The following PCDH11X variants were observed in gnomAD, a reference collection of about 807,000 sequenced individuals.
The protein encoded by PCDH11X is protocadherin-11 X-linked.
In PCDH11X, 18 loss-of-function variants were observed where a neutral mutation model predicts 53.3. The observed-to-expected ratio is 0.34, with a 90% CI of 0.23 to 0.50. The LOEUF (loss-of-function observed/expected upper bound fraction) is 0.50, where lower values mean the gene tolerates loss of function less well. PCDH11X is among the 20% of genes least tolerant of loss of function. The probability of loss-of-function intolerance (pLI) is 0.98; values close to 1 mark genes in which losing one functional copy is unlikely to be tolerated. For missense variants in PCDH11X, 570 were observed against 1,032.4 expected (o/e 0.55, Z 6.14); for synonymous variants, 279 against 393.3 (o/e 0.71, Z 3.44).
chrX:92,501,442 C>T (rs1251496529), intron 10 of PCDH11X, among the ~76,000 whole-genome samples: 1 of 110,968 alleles, frequency 9.0e-6, no homozygotes, highest in African/African-American at 3.3e-5. Flanking sequence ...ATACTTTAGA[C>T]CAATATCCTT....
Position 92,016,509 on chromosome X carries a change from T to A in PCDH11X, c.3033+137236T>A, listed in dbSNP as rs1196513253. Among the ~76,000 whole-genome samples the A allele has an allele frequency of 3.6e-5, 4 of 111,339 alleles. No homozygotes were observed. In the East Asian group the frequency reaches 1.1e-3, roughly 32 times the overall value. On this transcript the variant is annotated intron_variant, in intron 6 of 10. Coordinates refer to ENST00000682573, the MANE Select transcript of PCDH11X (RefSeq NM_032968.5). ...CTTCCGGATAACTTGCTGCAGCTTC[T>A]TTATAAGCACCTGCTGCACTTTTAT...
At chrX:92,499,539 C>CCA (rs1350806347) in intron 10 of PCDH11X, among the ~76,000 whole-genome samples, 1 of 78,029 alleles carries the variant, frequency 1.3e-5, no homozygotes, top group African/African-American at 4.5e-5. Flanking sequence ...GTGGCTCATG[C>CCA]CTGTAATCTT....
intron 6 of PCDH11X, among the ~76,000 whole-genome samples, chrX:92,119,806 A>G (rs1428204981): frequency 1.8e-5 from 2 of 111,784 alleles, no homozygotes; most frequent in East Asian, 2.8e-4. Flanking sequence ...TGCATTTTCT[A>G]TTTTTATTTT....
intron 10 of PCDH11X, among the ~76,000 whole-genome samples, chrX:92,605,119 A>G (rs745359849): frequency 3.7e-5 from 4 of 108,800 alleles, no homozygotes; most frequent in Admixed American, 3.0e-4. Flanking sequence ...TACATATACT[A>G]TGAAACTGCA....
At chrX:92,356,492 A>C (rs56074517) in intron 8 of PCDH11X, among the ~76,000 whole-genome samples, 14,093 of 69,228 alleles carry the variant, frequency 0.2, 1,948 homozygotes, top group Non-Finnish European at 0.27. Context: ...GTAATAATAA[A>C]ATTAAAAACC....
At chrX:92,076,724 C>T (rs1462150377) in intron 6 of PCDH11X, among the ~76,000 whole-genome samples, 1 of 111,944 alleles carries the variant, frequency 8.9e-6, no homozygotes, top group Non-Finnish European at 1.9e-5. Context: ...TGTTTCCTGA[C>T]AGTTAACACA....
chrX:92,002,271 C>A (rs1237280514), intron 6 of PCDH11X, among the ~76,000 whole-genome samples: 3 of 108,641 alleles, frequency 2.8e-5, no homozygotes, highest in African/African-American at 1.0e-4. Flanking sequence ...TGTCTGTTTT[C>A]ATGCAAGTTC....
chrX:92,400,385 A>G (rs2071363414), intron 9 of PCDH11X, among the ~76,000 whole-genome samples: 1 of 110,424 alleles, frequency 9.1e-6, no homozygotes, highest in Non-Finnish European at 1.9e-5. Flanking sequence ...AAGGTGAACA[A>G]AGGAAGCCAA....
chrX:92,493,318 A>G (rs1365605970), intron 10 of PCDH11X, among the ~76,000 whole-genome samples: 1 of 111,150 alleles, frequency 9.0e-6, no homozygotes, highest in African/African-American at 3.3e-5. Context: ...CATTGTGTCT[A>G]TAGTCAACAA....
At chrX:92,551,183 AC>A in intron 10 of PCDH11X, among the ~76,000 whole-genome samples, 1 of 111,318 alleles carries the variant, frequency 9.0e-6, no homozygotes, top group Non-Finnish European at 1.9e-5. Context: ...GAGTGGTTGT[AC>A]TAATTTACAT....
intron 10 of PCDH11X, among the ~76,000 whole-genome samples, chrX:92,597,683 A>T (rs1304140785): frequency 1.8e-5 from 2 of 111,753 alleles, no homozygotes; most frequent in Non-Finnish European, 3.8e-5. Context: ...AGAATCCTAA[A>T]ATTCATATGG....
At chrX:92,146,410 C>G (rs2065268069) in intron 6 of PCDH11X, among the ~76,000 whole-genome samples, 1 of 110,814 alleles carries the variant, frequency 9.0e-6, no homozygotes, top group Admixed American at 9.7e-5. Flanking sequence ...GTCAAAATGC[C>G]TTCCATGAGG....
intron 9 of PCDH11X, among the ~76,000 whole-genome samples, chrX:92,419,535 A>C (rs913312863): frequency 4.7e-5 from 5 of 107,479 alleles, no homozygotes; most frequent in Non-Finnish European, 7.7e-5. Context: ...CCAACCTGAA[A>C]ATCTTAAAAT....
At chrX:92,426,024 T>C (rs775992539) in intron 9 of PCDH11X, among the ~76,000 whole-genome samples, 1 of 82,529 alleles carries the variant, frequency 1.2e-5, no homozygotes, top group African/African-American at 4.5e-5. Context: ...CAGTGTAATA[T>C]TGGAAGTGAA....
chrX:92,610,459 G>T (rs1289720896), intron 10 of PCDH11X, among the ~76,000 whole-genome samples: 1 of 110,449 alleles, frequency 9.1e-6, no homozygotes, highest in African/African-American at 3.3e-5. Context: ...TTTTTTGCTT[G>T]TTGTTTGTTT....
chrX:92,177,274 G>A (rs142863880), intron 6 of PCDH11X, among the ~76,000 whole-genome samples: 4,895 of 110,935 alleles, frequency 0.044, 223 homozygotes, highest in East Asian at 0.24. Flanking sequence ...CACTGTGCCC[G>A]GCCACAAGGT....
At chrX:92,212,802 TACTC>T (rs2066616758) in intron 7 of PCDH11X, among the ~76,000 whole-genome samples, 1 of 112,529 alleles carries the variant, frequency 8.9e-6, no homozygotes, top group South Asian at 3.6e-4. Context: ...ACTTTTAAGA[TACTC>T]ACACTTTAAA....
At chrX:92,152,751 T>TTATGTATGTATG (rs559164762) in intron 6 of PCDH11X, among the ~76,000 whole-genome samples, 20 of 99,078 alleles carry the variant, frequency 2.0e-4, no homozygotes, top group East Asian at 3.5e-4. Context: ...TATTTTTATT[T>TTATGTATGTATG]TATGTATGTA....
intron 6 of PCDH11X, among the ~76,000 whole-genome samples, chrX:92,175,809 G>C (rs866715078): frequency 6.2e-5 from 5 of 80,984 alleles, no homozygotes; most frequent in East Asian, 3.3e-4. Flanking sequence ...CACACAGAGA[G>C]AGAGAGAGAC....
Sources: gnomAD v4.1 joint callset for allele counts (sites outside exome capture counted in the v4.1 genomes callset) on GRCh38, gnomAD v4.1.1 for gene constraint, MANE v1.5 for transcripts, NCBI Gene and HGNC (gene_info 2026-07-23, HGNC 2026-07-21) for gene names.